DLGAP2: variants seen among roughly 807,000 people sequenced by gnomAD.
DLGAP2 encodes DLG associated protein 2.
DLGAP2 carries 26 observed loss-of-function variants against 100.3 expected under a neutral mutation model. The ratio of observed to expected loss-of-function variants is 0.26; its 90% CI spans 0.19 to 0.36. The LOEUF is 0.36. Among genes scored for constraint, DLGAP2 ranks in the 10% least tolerant of loss-of-function variants. DLGAP2 has a pLI of 1.00. For missense variants in DLGAP2, 1,858 were observed against 1,453.2 expected, an observed-to-expected ratio of 1.28 and a Z score of -4.53; for synonymous variants, 886 against 630.1, an observed-to-expected ratio of 1.41 and a Z score of -6.08.
chr8:1,157,267 C>G (rs1164282859), intron 2 of DLGAP2, among the ~76,000 whole-genome samples: 2 of 152,140 alleles, frequency 1.3e-5, no homozygotes, highest in African/African-American at 2.4e-5. Context: ...AGGATGTCCT[C>G]TCGTGGCACA....
intron 3 of DLGAP2, among the ~76,000 whole-genome samples, chr8:1,337,795 T>C (rs1473903903): frequency 9.2e-5 from 14 of 152,200 alleles, no homozygotes; most frequent in Admixed American, 9.2e-4. Context: ...AAATCAGTTA[T>C]CTGAGAAGAC....
intron 2 of DLGAP2, among the ~76,000 whole-genome samples, chr8:1,154,428 T>C (rs1796744976): frequency 7.2e-6 from 1 of 138,220 alleles, no homozygotes; most frequent in African/African-American, 2.8e-5. Context: ...CTGATCAAAG[T>C]AGTAGGTGTC....
At chr8:1,503,318 C>T (rs1799789604) in intron 4 of DLGAP2, among the ~76,000 whole-genome samples, 1 of 151,498 alleles carries the variant, frequency 6.6e-6, no homozygotes, top group Non-Finnish European at 1.5e-5. Context: ...AACCCCCATT[C>T]TGCTTTCTGT....
chr8:1,228,883 G>T (rs1585170660), intron 2 of DLGAP2, among the ~76,000 whole-genome samples: 1 of 152,122 alleles, frequency 6.6e-6, no homozygotes, highest in African/African-American at 2.4e-5. Flanking sequence ...CAAAGATCTT[G>T]GCTGTCACTA....
chr8:973,503 A>G (rs1389992926), intron 2 of DLGAP2, among the ~76,000 whole-genome samples: 1 of 151,524 alleles, frequency 6.6e-6, no homozygotes, highest in African/African-American at 2.4e-5. Context: ...CGCACCCCAC[A>G]TCTCAGACGA....
At chr8:1,001,724 C>G (rs1800961555) in intron 2 of DLGAP2, among the ~76,000 whole-genome samples, 1 of 152,168 alleles carries the variant, frequency 6.6e-6, no homozygotes, top group South Asian at 2.1e-4. Flanking sequence ...ATCTTTTTCT[C>G]TACTATTGCT....
At chr8:1,414,288 T>C (rs1216196224) in intron 3 of DLGAP2, among the ~76,000 whole-genome samples, 1 of 152,142 alleles carries the variant, frequency 6.6e-6, no homozygotes, top group African/African-American at 2.4e-5. Context: ...GAGCATGTGA[T>C]TGGAGGGTGT....
rs532053520 is a variant in DLGAP2, at chr8:1,106,264, C to T, written c.74-152587C>T. Among the ~76,000 whole-genome samples the T allele has an allele frequency of 6.7e-5, 10 of 150,230 alleles. No individual in the cohort carries two copies. In the East Asian group the frequency reaches 1.8e-3, roughly 27 times the overall value. ...AGGAGGGTTTTCTATTGAAGGAGGGCATTCTAGGAGGGTTTTCTACTGAAG... is the reference window on the plus strand; with the variant it reads ...AGGAGGGTTTTCTATTGAAGGAGGGTATTCTAGGAGGGTTTTCTACTGAAG... On this transcript the variant is annotated intron_variant, in intron 2 of 14. Transcript: ENST00000637795.
rs749034607 is a variant in DLGAP2 at position 1,549,194 on chromosome 8, G to A, written c.741G>A (p.Glu247=). ...TCTTCACCAAGTCGCACTCGCTGGA[G>A]GGCTCCTCCAAAAGCAACGCCAACG... is the stretch of plus-strand genomic sequence containing the variant. The part of the protein sequence containing the change: ...QKLFTKSHSL[E]GSSKSNANGT... The change falls in exon 5 of 15, where the codon GAG becomes GAA. Residue 247 remains glutamate, a synonymous_variant. Coordinates refer to ENST00000637795, the MANE Select transcript of DLGAP2 (RefSeq NM_001346810.2). 1 of 1,600,722 alleles carries A rather than the reference G, an allele frequency of 6.2e-7. No individual in the cohort carries two copies. Among genetic ancestry groups the A allele is most frequent in the South Asian group, 1.1e-5 (1 of 89,520 alleles).
At chr8:1,000,250 T>C (rs1330513205) in intron 2 of DLGAP2, among the ~76,000 whole-genome samples, 1 of 151,694 alleles carries the variant, frequency 6.6e-6, no homozygotes, top group Non-Finnish European at 1.5e-5. Flanking sequence ...GGTTTTCTTT[T>C]GCACTGGATT....
At chr8:1,465,744 C>G (rs1036162625) in intron 3 of DLGAP2, among the ~76,000 whole-genome samples, 1 of 152,210 alleles carries the variant, frequency 6.6e-6, no homozygotes, top group Non-Finnish European at 1.5e-5. Context: ...GTGTTGCTAG[C>G]AGACCAAGGG....
chr8:1,598,874 T>C (rs1796539390), intron 6 of DLGAP2, among the ~76,000 whole-genome samples: 1 of 152,222 alleles, frequency 6.6e-6, no homozygotes, highest in Admixed American at 6.5e-5. Flanking sequence ...CCTTCAGTTC[T>C]TCTCTAATCT....
At chr8:1,602,163 A>C (rs977582608) in intron 6 of DLGAP2, among the ~76,000 whole-genome samples, 1 of 152,210 alleles carries the variant, frequency 6.6e-6, no homozygotes, top group Non-Finnish European at 1.5e-5. Context: ...AGCATCATTC[A>C]CAACACATAT....
chr8:741,579 G>T (rs1271148503), intron 1 of DLGAP2, among the ~76,000 whole-genome samples: 1 of 152,190 alleles, frequency 6.6e-6, no homozygotes, highest in Non-Finnish European at 1.5e-5. Flanking sequence ...TGGGATGTCA[G>T]TTGCCTTAGT....
At chr8:1,080,547 C>T (rs927739048) in intron 2 of DLGAP2, among the ~76,000 whole-genome samples, 3 of 152,182 alleles carry the variant, frequency 2.0e-5, no homozygotes, top group Admixed American at 6.5e-5. Flanking sequence ...CCTCTGTGCT[C>T]GCACGTCTGA....
At position 917,229 on chromosome 8, in the gene DLGAP2, C is replaced by T. The variant is rs138774092; in HGVS notation, c.73+9263C>T. On this transcript the variant is annotated intron_variant, in intron 2 of 14. Coordinates refer to ENST00000637795, the MANE Select transcript of DLGAP2 (RefSeq NM_001346810.2). The stretch of plus-strand genomic sequence containing the variant: ...TCCCTCCCTCCATCCCTCCCTCCCT[C>T]CCTTCCTTCCTTCCTTCCTTCCTTT... Among the ~76,000 whole-genome samples, 8 of 138,182 alleles carry T rather than the reference C, an allele frequency of 5.8e-5. No homozygotes were observed. In the East Asian group the frequency reaches 6.9e-4, roughly 12 times the overall value. 90.7% of individuals were successfully genotyped at this position (138,182 alleles called of 152,430 possible).
chr8:947,205 C>T (rs1799348503), intron 2 of DLGAP2, among the ~76,000 whole-genome samples: 1 of 152,152 alleles, frequency 6.6e-6, no homozygotes, highest in Non-Finnish European at 1.5e-5. Flanking sequence ...ACCCAGGAGC[C>T]CGGGGAGCTG....
intron 1 of DLGAP2, among the ~76,000 whole-genome samples, chr8:761,705 T>C (rs1356536400): frequency 1.3e-5 from 2 of 152,172 alleles, no homozygotes; most frequent in South Asian, 4.1e-4. Flanking sequence ...CTGGAACCCT[T>C]CCTAGAAGAC....
chr8:1,448,182 G>A (rs951049607), intron 3 of DLGAP2, among the ~76,000 whole-genome samples: 2 of 152,160 alleles, frequency 1.3e-5, no homozygotes, highest in Non-Finnish European at 2.9e-5. Flanking sequence ...TGACATTAGG[G>A]TGTTGATTTT....
Sources: allele counts gnomAD v4.1 joint callset (sites outside exome capture counted in the v4.1 genomes callset), GRCh38; gene constraint gnomAD v4.1.1; transcripts MANE v1.5; gene names NCBI Gene and HGNC (gene_info 2026-07-23, HGNC 2026-07-21).